PBX3: variants seen among roughly 807,000 people sequenced by gnomAD.
The protein encoded by PBX3 is pre-B-cell leukemia transcription factor 3.
Under a neutral mutation model 48.5 loss-of-function variants are expected in PBX3, and 14 were observed. That is an observed-to-expected ratio of 0.29 (90% confidence interval 0.19 to 0.45). The LOEUF is 0.45. Among genes scored for constraint, PBX3 ranks in the 20% least tolerant of loss-of-function variants. PBX3 has a pLI of 1.00. For synonymous variants in PBX3, 210 were observed against 200.3 expected (o/e 1.05, Z -0.41); for missense variants, 386 against 546.7 (o/e 0.71, Z 2.93).
At chr9:125,839,438 A>G (rs1839227448) in intron 2 of PBX3, among the ~76,000 whole-genome samples, 1 of 152,236 alleles carries the variant, frequency 6.6e-6, no homozygotes, top group Non-Finnish European at 1.5e-5. Flanking sequence ...CAATTCAATT[A>G]GAATGAGGTT....
rs184445818 is a variant in PBX3, at chr9:125,834,496, C to T, written c.275-81190C>T. Among the ~76,000 whole-genome samples, 1,054 of 151,870 alleles carry T rather than the reference C, an allele frequency of 6.9e-3. 19 individuals carry two copies. The highest frequency in any genetic ancestry group is 0.038 in the Admixed American group (583 of 15,270). On this transcript the variant is annotated intron_variant, in intron 2 of 8. Coordinates refer to ENST00000373489, the MANE Select transcript of PBX3 (RefSeq NM_006195.6). Reference sequence around the variant, plus strand: ...CACTGCAACCTCCACCTCCCAGGCTCAAGGGATTCTCCTGCCTCAGCCTCC... The same window carrying T: ...CACTGCAACCTCCACCTCCCAGGCTTAAGGGATTCTCCTGCCTCAGCCTCC...
chr9:125,871,649 G>A (rs1840128741), intron 2 of PBX3, among the ~76,000 whole-genome samples: 1 of 152,116 alleles, frequency 6.6e-6, no homozygotes, highest in African/African-American at 2.4e-5. Context: ...TTATTAAAAG[G>A]ACTGAAATAT....
At chr9:125,748,335 A>G in intron 1 of PBX3, 1 of 1,241,484 alleles carries the variant, frequency 8.1e-7, no homozygotes, top group Non-Finnish European at 1.0e-6. Context: ...CCTGCCGGGC[A>G]GATGGGTCCG....
chr9:125,925,944 G>A lies in PBX3; in HGVS notation c.517-3711G>A, dbSNP rs1411701230. Reference sequence around the variant, plus strand: ...CCCACAAAAAGTTTTTAAGATTTTGGTTAACCCAGCAATTCCCAAACATAT... The same window carrying A: ...CCCACAAAAAGTTTTTAAGATTTTGATTAACCCAGCAATTCCCAAACATAT... On this transcript the variant is annotated intron_variant, in intron 3 of 8. Transcript: ENST00000373489. 2.0e-5 allele frequency among the ~76,000 whole-genome samples: 3 copies of A among 152,250 alleles called. No individual in the cohort carries two copies. The East Asian group carries it at 5.8e-4, about 29-fold the overall frequency.
Position 125,929,647 on chromosome 9 carries a change from C to T in PBX3, c.517-8C>T, listed in dbSNP as rs995065793. 21 of 1,577,628 alleles carry T rather than the reference C, an allele frequency of 1.3e-5. No homozygotes were observed. Among genetic ancestry groups the T allele is most frequent in the Non-Finnish European group, 1.7e-5 (20 of 1,162,204 alleles). On this transcript the variant is annotated splice_polypyrimidine_tract_variant and splice_region_variant and intron_variant, in intron 3 of 8. Transcript: ENST00000373489. The stretch of plus-strand genomic sequence containing the variant: ...TTCCAAAGGAGTGATTTTTTTTTCC[C>T]ATTACAGGCATGTAATGAATTTACT...
intron 2 of PBX3, among the ~76,000 whole-genome samples, chr9:125,804,334 T>C (rs552680160): frequency 1.3e-5 from 2 of 152,332 alleles, no homozygotes; most frequent in South Asian, 2.1e-4. Context: ...TTTCAAGGTA[T>C]ATGAGCTATT....
chr9:125,809,400 T>C (rs1588168620), intron 2 of PBX3, among the ~76,000 whole-genome samples: 1 of 152,124 alleles, frequency 6.6e-6, no homozygotes, highest in East Asian at 1.9e-4. Context: ...GATTAGTTAT[T>C]GTAACATTAT....
chr9:125,958,391 T>C (rs1842354945), intron 5 of PBX3, among the ~76,000 whole-genome samples: 1 of 152,200 alleles, frequency 6.6e-6, no homozygotes, highest in Non-Finnish European at 1.5e-5. Flanking sequence ...TGTGAGCATA[T>C]GGGGCTCAAG....
At chr9:125,766,527 C>A (rs1261326644) in intron 2 of PBX3, among the ~76,000 whole-genome samples, 1 of 151,998 alleles carries the variant, frequency 6.6e-6, no homozygotes, top group Non-Finnish European at 1.5e-5. Flanking sequence ...TTGTGTGTTT[C>A]CAAATTGTAG....
intron 2 of PBX3, among the ~76,000 whole-genome samples, chr9:125,846,005 A>G: frequency 6.6e-6 from 1 of 152,132 alleles, no homozygotes; most frequent in East Asian, 1.9e-4. Flanking sequence ...TAGTTTTTAA[A>G]AAATATATTC....
intron 2 of PBX3, among the ~76,000 whole-genome samples, chr9:125,813,444 A>G (rs188788994): frequency 6.6e-6 from 1 of 152,350 alleles, no homozygotes; most frequent in East Asian, 1.9e-4. Flanking sequence ...ATCATTATGC[A>G]GTGTATAACA....
chr9:125,935,204 A>G (rs1474942358), intron 4 of PBX3, among the ~76,000 whole-genome samples: 1 of 152,178 alleles, frequency 6.6e-6, no homozygotes, highest in African/African-American at 2.4e-5. Flanking sequence ...TCTTCATTGA[A>G]TATCTAAAAT....
chr9:125,822,339 T>C (rs976648776), intron 2 of PBX3, among the ~76,000 whole-genome samples: 4 of 152,138 alleles, frequency 2.6e-5, no homozygotes, highest in Non-Finnish European at 4.4e-5. Context: ...CCATTTGGCA[T>C]TGGGGATAAG....
chr9:125,917,265 G>A (rs567760446), intron 3 of PBX3, among the ~76,000 whole-genome samples: 1 of 152,242 alleles, frequency 6.6e-6, no homozygotes, highest in Non-Finnish European at 1.5e-5. Context: ...TGAGAGGAAA[G>A]AAGAGAGATA....
At chr9:125,815,693 GGT>G (rs35255670) in intron 2 of PBX3, among the ~76,000 whole-genome samples, 134,713 of 149,544 alleles carry the variant, frequency 0.9, 60,827 homozygotes, top group Non-Finnish European at 0.94. Flanking sequence ...GCAGTGACTG[GGT>G]GTGTGTGTGT....
intron 2 of PBX3, among the ~76,000 whole-genome samples, chr9:125,799,017 A>G (rs1375122005): frequency 1.3e-5 from 2 of 152,180 alleles, no homozygotes; most frequent in Admixed American, 6.5e-5. Context: ...AATTGGGTAT[A>G]TATACATTTA....
Position 125,927,977 on chromosome 9 carries a change from T to C in PBX3, c.517-1678T>C, listed in dbSNP as rs118065082. Among the ~76,000 whole-genome samples, 1,319 of 152,116 alleles carry C rather than the reference T, an allele frequency of 8.7e-3. 9 individuals are homozygous for C. Among genetic ancestry groups the C allele is most frequent in the Admixed American group, 0.012 (186 of 15,276 alleles). On this transcript the variant is annotated intron_variant, in intron 3 of 8. Coordinates refer to ENST00000373489, the MANE Select transcript of PBX3 (RefSeq NM_006195.6). ...AGGTGGATTGTCTGAACTCAGGAGT[T>C]TGAGATCAGCCTGGGCAACATGGTG...
At chr9:125,761,920 G>A (rs1836679317) in intron 2 of PBX3, among the ~76,000 whole-genome samples, 1 of 152,130 alleles carries the variant, frequency 6.6e-6, no homozygotes. Context: ...TAGTTGCAGA[G>A]TTTCAAGGAA....
chr9:125,747,816 C>G (rs1293996021), intron 1 of PBX3, among the ~76,000 whole-genome samples, 163 bp downstream of exon 1: 1 of 151,568 alleles, frequency 6.6e-6, no homozygotes, highest in East Asian at 2.0e-4. Flanking sequence ...CTTGCCCGCG[C>G]CCCCCGAAGC....
Sources: allele counts gnomAD v4.1 joint callset (sites outside exome capture counted in the v4.1 genomes callset), GRCh38; gene constraint gnomAD v4.1.1; transcripts MANE v1.5; gene names NCBI Gene and HGNC (gene_info 2026-07-23, HGNC 2026-07-21).